Variants in NRXN3 observed in about 807,000 individuals in gnomAD.
NRXN3 encodes the protein neurexin III.
A neutral mutation model predicts 137.6 loss-of-function variants in NRXN3; 32 were observed. The observed-to-expected ratio is 0.23, with a 90% CI of 0.18 to 0.31. The LOEUF is 0.31. NRXN3 is among the 10% of genes least tolerant of loss of function. The probability of loss-of-function intolerance (pLI) is 1.00; values close to 1 mark genes in which losing one functional copy is unlikely to be tolerated. For synonymous variants in NRXN3, 798 were observed against 784.5 expected (o/e 1.02, Z -0.29); for missense variants, 1,574 against 2,062.5 (o/e 0.76, Z 4.59).
intron 15 of NRXN3, among the ~76,000 whole-genome samples, chr14:79,367,751 A>G (rs1211778003): frequency 6.6e-6 from 1 of 152,196 alleles, no homozygotes; most frequent in Non-Finnish European, 1.5e-5. Context: ...CTTTATAACC[A>G]CACCAAGATC....
intron 8 of NRXN3, among the ~76,000 whole-genome samples, chr14:78,726,780 A>G (rs1364943189): frequency 1.3e-5 from 2 of 151,728 alleles, no homozygotes; most frequent in East Asian, 1.9e-4. Flanking sequence ...CGGCCTCCCA[A>G]CGTGCTGGGA....
At chr14:78,480,364 T>C (rs1380485363) in intron 4 of NRXN3, among the ~76,000 whole-genome samples, 4 of 152,146 alleles carry the variant, frequency 2.6e-5, no homozygotes, top group Non-Finnish European at 4.4e-5. Flanking sequence ...ATCTTTCAAA[T>C]TTTAGAGGAT....
intron 15 of NRXN3, among the ~76,000 whole-genome samples, chr14:79,057,207 A>G (rs2099666816): frequency 1.3e-5 from 2 of 152,242 alleles, no homozygotes; most frequent in African/African-American, 4.8e-5. Flanking sequence ...CATGCAGCAC[A>G]TTAGCCAGCA....
chr14:79,091,869 A>T (rs1471559699), intron 15 of NRXN3, among the ~76,000 whole-genome samples: 4 of 152,040 alleles, frequency 2.6e-5, no homozygotes, highest in Non-Finnish European at 5.9e-5. Context: ...AATCCATGTT[A>T]ATCTTTTCTA....
chr14:78,711,051 T>A (rs1006760976), intron 7 of NRXN3, among the ~76,000 whole-genome samples: 1 of 152,182 alleles, frequency 6.6e-6, no homozygotes, highest in African/African-American at 2.4e-5. Context: ...CTTCTCTGCT[T>A]TTCAGTAAAA....
intron 15 of NRXN3, among the ~76,000 whole-genome samples, chr14:79,464,341 A>G (rs896226920): frequency 3.3e-5 from 5 of 152,196 alleles, no homozygotes; most frequent in Non-Finnish European, 7.4e-5. Context: ...AACAAAAGCA[A>G]TACAAATAAT....
intron 15 of NRXN3, among the ~76,000 whole-genome samples, chr14:79,422,364 A>G (rs2153535110): frequency 6.6e-6 from 1 of 152,266 alleles, no homozygotes; most frequent in East Asian, 1.9e-4. Flanking sequence ...GGCCCAGCCC[A>G]TGGTGTTTTC....
intron 4 of NRXN3, among the ~76,000 whole-genome samples, chr14:78,517,576 A>G (rs2153797447): frequency 6.6e-6 from 1 of 152,274 alleles, no homozygotes; most frequent in Middle Eastern, 3.4e-3. Context: ...TCTTCATTGC[A>G]TTAGTCAAGT....
At chr14:78,986,496 A>G (rs2099505395) in intron 14 of NRXN3, among the ~76,000 whole-genome samples, 1 of 152,162 alleles carries the variant, frequency 6.6e-6, no homozygotes. Flanking sequence ...CATCAAAAAA[A>G]TTTTAATGCC....
Position 79,302,062 on chromosome 14 carries a change from A to G in NRXN3, c.3263-165159A>G, listed in dbSNP as rs562652709. Among the ~76,000 whole-genome samples, 12 of 152,068 alleles carry G rather than the reference A, an allele frequency of 7.9e-5. No individual in the cohort carries two copies. The East Asian group carries it at 1.4e-3, about 17-fold the overall frequency. On this transcript the variant is annotated intron_variant, in intron 15 of 20. Coordinates refer to ENST00000335750, the MANE Select transcript of NRXN3 (RefSeq NM_001330195.2). ...TCAAACTTTTCAAATGTCAGCATGC[A>G]TGGGTGTTTCTCTCTATTCTTGAGG... is the stretch of plus-strand genomic sequence containing the variant.
At chr14:78,424,852 A>G (rs2093599709) in intron 4 of NRXN3, among the ~76,000 whole-genome samples, 1 of 152,252 alleles carries the variant, frequency 6.6e-6, no homozygotes, top group Non-Finnish European at 1.5e-5. Flanking sequence ...GAAATAAAGT[A>G]CATTGCCCAA....
chr14:79,190,483 CA>C (rs2064141596), intron 15 of NRXN3, among the ~76,000 whole-genome samples: 1 of 152,052 alleles, frequency 6.6e-6, no homozygotes, highest in Non-Finnish European at 1.5e-5. Flanking sequence ...TTTTAATGGA[CA>C]CGTAGTGGTT....
At chr14:79,319,530 T>C (rs982698168) in intron 15 of NRXN3, among the ~76,000 whole-genome samples, 2 of 152,082 alleles carry the variant, frequency 1.3e-5, no homozygotes, top group African/African-American at 4.8e-5. Flanking sequence ...GAAGCAGACT[T>C]GATGTTTTAG....
chr14:79,838,115 C>T (rs1425467000), intron 20 of NRXN3, among the ~76,000 whole-genome samples: 1 of 151,992 alleles, frequency 6.6e-6, no homozygotes, highest in Non-Finnish European at 1.5e-5. Context: ...TTTTGAGGGA[C>T]CCAAGCAAGC....
At chr14:78,262,175 GGTTA>G (rs2070852856) in intron 2 of NRXN3, among the ~76,000 whole-genome samples, 1 of 152,120 alleles carries the variant, frequency 6.6e-6, no homozygotes, top group Non-Finnish European at 1.5e-5. Context: ...GAACAAGATT[GGTTA>G]GTTTGATATC....
At chr14:79,778,288 C>T (rs541634827) in intron 19 of NRXN3, among the ~76,000 whole-genome samples, 19 of 152,060 alleles carry the variant, frequency 1.2e-4, no homozygotes, top group East Asian at 1.9e-4. Flanking sequence ...TGGTGGTGCG[C>T]GCCTGTAATC....
At chr14:79,002,922 T>C (rs2099544719) in intron 15 of NRXN3, among the ~76,000 whole-genome samples, 1 of 152,194 alleles carries the variant, frequency 6.6e-6, no homozygotes, top group Non-Finnish European at 1.5e-5. Flanking sequence ...GAAACCTAAG[T>C]AGGTTTTGGA....
At position 79,861,111 on chromosome 14, in the gene NRXN3, C is replaced by T. The variant is rs139045037; in HGVS notation, c.4094-231C>T. ...CCTCCTATTGCTACTCGTGCACCTTCCATTACACTCCCCCCTACCTTTCGC... is the reference window on the plus strand; with the variant it reads ...CCTCCTATTGCTACTCGTGCACCTTTCATTACACTCCCCCCTACCTTTCGC... On this transcript the variant is annotated intron_variant, in intron 20 of 20. Transcript: ENST00000335750. The surrounding 1 kb of genome is among the most constrained non-coding windows in gnomAD (Gnocchi z 5.4). 1.6e-4 allele frequency: 241 copies of T among 1,470,362 alleles called. No individual in the cohort carries two copies. In the African/African-American group the frequency reaches 2.9e-3, roughly 18 times the overall value. The allele number at this position is 1,470,362 out of a possible 1,614,324, so 91.1% of individuals were successfully genotyped here.
chr14:78,949,848 G>T (rs2099383818), intron 10 of NRXN3, among the ~76,000 whole-genome samples: 1 of 152,014 alleles, frequency 6.6e-6, no homozygotes, highest in African/African-American at 2.4e-5. Context: ...TTCATAATTG[G>T]ATATATATTT....
Sources: gnomAD v4.1 joint callset for allele counts (sites outside exome capture counted in the v4.1 genomes callset) on GRCh38, gnomAD v4.1.1 for gene constraint, Gnocchi (gnomAD v3.1) non-coding constraint, MANE v1.5 for transcripts, NCBI Gene and HGNC (gene_info 2026-07-23, HGNC 2026-07-21) for gene names.